Variants in MIB1 observed in about 807,000 individuals in gnomAD.
MIB1 encodes the protein MIB E3 ubiquitin protein ligase 1.
MIB1 carries 278 observed loss-of-function variants against 124.5 expected under a neutral mutation model. That is an observed-to-expected ratio of 2.23 (90% CI 2.02 to 2.47). The LOEUF is 2.47. Among genes scored for constraint, MIB1 ranks in the 30% most tolerant of loss-of-function variants. The pLI, the probability that MIB1 is intolerant of heterozygous loss-of-function variation, is 0.00. For synonymous variants in MIB1, 446 were observed against 429.4 expected (o/e 1.04, Z -0.48); for missense variants, 957 against 1,254.4 (o/e 0.76, Z 3.58).
rs574159521 is a variant in MIB1 at position 21,788,027 on chromosome 18, T to C, written c.909-3347T>C. Reference sequence around the variant, plus strand: ...ATGATTTGCGAACCTCCTCTCTCCTTTTACTCTCCATAGTATTATATATGC... The same window carrying C: ...ATGATTTGCGAACCTCCTCTCTCCTCTTACTCTCCATAGTATTATATATGC... On this transcript the variant is annotated intron_variant, in intron 6 of 20. Coordinates refer to ENST00000261537, the MANE Select transcript of MIB1 (RefSeq NM_020774.4). Among the ~76,000 whole-genome samples the C allele has an allele frequency of 9.2e-5, 14 of 152,258 alleles. No individual in the cohort carries two copies. In the South Asian group the frequency reaches 2.9e-3, roughly 32 times the overall value.
Position 21,743,936 on chromosome 18 carries a change from T to G in MIB1, c.229+2124T>G, listed in dbSNP as rs1211637541. Among the ~76,000 whole-genome samples, 4 of 152,300 alleles carry G rather than the reference T, an allele frequency of 2.6e-5. No homozygotes were observed. The South Asian group carries it at 8.3e-4, about 32-fold the overall frequency. ...TTTTTCAGAAGTAACTGTTTTAGAATCTTAGTTTAATAAGATAATTTTATA... is the reference window on the plus strand; with the variant it reads ...TTTTTCAGAAGTAACTGTTTTAGAAGCTTAGTTTAATAAGATAATTTTATA... On this transcript the variant is annotated intron_variant, in intron 1 of 20. Transcript: ENST00000261537.
At position 21,844,313 on chromosome 18, in the gene MIB1, A is replaced by G. The variant is rs113837892; in HGVS notation, c.2211+60A>G. 1.5e-5 allele frequency: 22 copies of G among 1,509,266 alleles called. No individual in the cohort carries two copies. The Admixed American group carries it at 1.7e-4, about 11-fold the overall frequency. 93.5% of individuals were successfully genotyped at this position (1,509,266 alleles called of 1,614,324 possible). A position where few individuals can be genotyped will look rare whatever the true frequency, so the allele number is the denominator to read the frequency against. On this transcript the variant is annotated intron_variant, in intron 15 of 20. Coordinates refer to ENST00000261537, the MANE Select transcript of MIB1 (RefSeq NM_020774.4). ...GAAGAATCTTTTCATGCAAGATCTT[A>G]TATTTACTGGTAATCTAACCTGTAT...
chr18:21,716,895 A>G lies in MIB1; in HGVS notation n.167+11772A>G, dbSNP rs565820058. Among the ~76,000 whole-genome samples the G allele has an allele frequency of 1.5e-3, 223 of 152,262 alleles. 2 individuals carry two copies. Among genetic ancestry groups the G allele is most frequent in the African/African-American group, 5.1e-3 (212 of 41,552 alleles). The stretch of plus-strand genomic sequence containing the variant: ...TAAAGGATACAGAATTGCAGAATGG[A>G]TAAGAATTCACCTGTCAACTATCTG... On this transcript the variant is annotated intron_variant and non_coding_transcript_variant, in intron 1 of 20. Transcript: ENST00000578646.
intron 20 of MIB1, among the ~76,000 whole-genome samples, chr18:21,859,045 TTA>T (rs1277445622): frequency 6.6e-6 from 1 of 152,194 alleles, no homozygotes; most frequent in Non-Finnish European, 1.5e-5. Flanking sequence ...CAGTTTGTCA[TTA>T]TCTAATAAAA....
At chr18:21,831,340 C>A (rs2041980318) in intron 12 of MIB1, 1 of 147,324 alleles carries the variant, frequency 6.8e-6, no homozygotes, top group South Asian at 2.1e-4. Flanking sequence ...ATCCAGAGGT[C>A]AAGTCTGCAA....
At chr18:21,780,738 A>G (rs1227683644) in intron 6 of MIB1, among the ~76,000 whole-genome samples, 10 of 152,080 alleles carry the variant, frequency 6.6e-5, no homozygotes, top group Admixed American at 3.3e-4. Context: ...ATGAGCCACC[A>G]TACCCGGCCC....
intron 9 of MIB1, among the ~76,000 whole-genome samples, chr18:21,800,323 C>G (rs9807424): frequency 0.031 from 4,689 of 151,612 alleles, 244 homozygotes; most frequent in African/African-American, 0.11. Flanking sequence ...AAGCAATTTT[C>G]TTTTTATTTT....
Position 21,768,647 on chromosome 18 carries a change from AT to A in MIB1, c.427del (p.Ser143LeufsTer36). 1 of 1,586,702 alleles carries A rather than the reference AT, an allele frequency of 6.3e-7. No individual in the cohort carries two copies. On this transcript the variant is annotated frameshift_variant, in exon 3 of 21. Coordinates refer to ENST00000261537, the MANE Select transcript of MIB1 (RefSeq NM_020774.4). LOFTEE classifies it high-confidence loss of function. The stretch of plus-strand genomic sequence containing the variant: ...GGGTTCTGTTAGAGTCTCGTAGGAA[AT>A]CTAAGAAGATTACAGCCAGAGGAAT... ...ERVLLESRRK[S>X]KKITARGIFA... is the part of the protein sequence containing the mutation.
chr18:21,759,661 CTGT>C (rs2041076330), intron 1 of MIB1, among the ~76,000 whole-genome samples: 1 of 152,100 alleles, frequency 6.6e-6, no homozygotes, highest in Admixed American at 6.6e-5. Context: ...TGTATCCATT[CTGT>C]TGTTAATGAA....
At chr18:21,798,279 C>G in intron 8 of MIB1, 51 bp downstream of exon 8, 2 of 1,564,828 alleles carry the variant, frequency 1.3e-6, no homozygotes, top group Admixed American at 3.4e-5. Context: ...ACATTAAAAC[C>G]TTTGCTAATT....
chr18:21,722,235 T>C (rs1598580045), intron 1 of MIB1, among the ~76,000 whole-genome samples: 4 of 152,064 alleles, frequency 2.6e-5, no homozygotes, highest in Admixed American at 2.6e-4. Flanking sequence ...TTTGTATTTT[T>C]AGTAGAGATA....
chr18:21,789,815 A>G (rs1040422576), intron 6 of MIB1, among the ~76,000 whole-genome samples: 2 of 152,198 alleles, frequency 1.3e-5, no homozygotes, highest in Admixed American at 6.5e-5. Flanking sequence ...TTGTGTGGTT[A>G]CAGAAAGTTA....
chr18:21,827,424 G>A (rs2041935740), intron 12 of MIB1: 1 of 152,158 alleles, frequency 6.6e-6, no homozygotes, highest in South Asian at 2.1e-4. Context: ...GTTTGAGAAG[G>A]ATTATTAAAC....
At position 21,864,529 on chromosome 18, in the gene MIB1, A is replaced by G. The variant is rs1289690223; in HGVS notation, c.2884A>G (p.Met962Val). The G allele has an allele frequency of 5.0e-6, 8 of 1,611,638 alleles. No individual in the cohort carries two copies. The highest frequency in any genetic ancestry group is 1.3e-5 in the African/African-American group (1 of 74,904). ...ACTTTGTTATCTCACATTACAGACA[A>G]TGTGCCCTGTGTGTCTAGATCGTCT... ...QQLQDIKEQT[M>V]CPVCLDRLKN... is the part of the protein sequence containing the mutation. Residue 962 changes from methionine to valine, a missense_variant, in exon 21 of 21, where the codon ATG becomes GTG. Physicochemically the swap from Met to Val is conservative, Grantham distance 21. Transcript: ENST00000261537.
intron 10 of MIB1, among the ~76,000 whole-genome samples, chr18:21,806,631 T>G (rs1412490949): frequency 6.6e-6 from 1 of 151,648 alleles, no homozygotes; most frequent in Non-Finnish European, 1.5e-5. Context: ...TTTTGTTTTT[T>G]TTTTTTTGAG....
At chr18:21,749,243 G>C (rs970009702) in intron 1 of MIB1, among the ~76,000 whole-genome samples, 1 of 152,106 alleles carries the variant, frequency 6.6e-6, no homozygotes, top group Non-Finnish European at 1.5e-5. Context: ...ATATAGGTAT[G>C]CCATATGTAC....
At chr18:21,713,438 C>T (rs113590625) in intron 1 of MIB1, among the ~76,000 whole-genome samples, 45,046 of 151,226 alleles carry the variant, frequency 0.3, 7,959 homozygotes, top group African/African-American at 0.48. Flanking sequence ...GCCAAAACCC[C>T]GTCTCTACTA....
intron 7 of MIB1, among the ~76,000 whole-genome samples, chr18:21,793,144 A>G (rs2041526601): frequency 6.6e-6 from 1 of 152,206 alleles, no homozygotes; most frequent in Non-Finnish European, 1.5e-5. Flanking sequence ...GCAAATATTC[A>G]TTGGCTAGTG....
chr18:21,849,474 T>G, intron 17 of MIB1, 86 bp downstream of exon 17: 1 of 730,612 alleles, frequency 1.4e-6, no homozygotes, highest in Non-Finnish European at 2.0e-6. Context: ...ACATCATGCG[T>G]CTGTGTAATT....
Sources: allele counts gnomAD v4.1 joint callset (sites outside exome capture counted in the v4.1 genomes callset), GRCh38; gene constraint gnomAD v4.1.1; transcripts MANE v1.5; gene names NCBI Gene and HGNC (gene_info 2026-07-23, HGNC 2026-07-21).